The following CHID1 variants were observed in gnomAD, a reference collection of about 807,000 sequenced individuals.
CHID1 encodes chitinase domain-containing protein 1.
A neutral mutation model predicts 55.4 loss-of-function variants in CHID1; 44 were observed. The observed-to-expected ratio is 0.79, with a 90% CI of 0.62 to 1.02. The LOEUF is 1.02. Among genes scored for constraint, CHID1 ranks in the 50% least tolerant of loss-of-function variants. The pLI is 0.00. For synonymous variants in CHID1, 216 were observed against 212.9 expected, an observed-to-expected ratio of 1.01 and a Z score of -0.13; for missense variants, 491 against 515.3, an observed-to-expected ratio of 0.95 and a Z score of 0.46.
intron 10 of CHID1, among the ~76,000 whole-genome samples, chr11:873,763 C>G (rs551244609): frequency 6.6e-6 from 1 of 152,062 alleles, no homozygotes; most frequent in African/African-American, 2.4e-5. Context: ...TTTTGGGGAG[C>G]AGTAATGCGG....
chr11:912,417 G>T (rs988303140), upstream of CHID1, among the ~76,000 whole-genome samples: 1 of 152,236 alleles, frequency 6.6e-6, no homozygotes, highest in Admixed American at 6.5e-5. Context: ...AGGATAGGAA[G>T]CCCAGAGCCA....
Position 900,927 on chromosome 11 carries a change from C to G in CHID1, c.439+9G>C. On this transcript the variant is annotated intron_variant, in intron 5 of 12. Transcript: ENST00000323578. ...ATCAGGGCCTCCACTCCTGGCCTGCCGCACTTACCTATGTGCAGGCCCTTG... is the reference window on the plus strand; with the variant it reads ...ATCAGGGCCTCCACTCCTGGCCTGCGGCACTTACCTATGTGCAGGCCCTTG... 1.3e-6 allele frequency: 2 copies of G among 1,599,850 alleles called. No individual in the cohort carries two copies. Among genetic ancestry groups the G allele is most frequent in the Non-Finnish European group, 1.7e-6 (2 of 1,174,210 alleles).
intron 10 of CHID1, among the ~76,000 whole-genome samples, chr11:880,815 G>A (rs1011952307): frequency 3.9e-5 from 6 of 152,208 alleles, no homozygotes; most frequent in Non-Finnish European, 5.9e-5. Flanking sequence ...AAAGGACCAG[G>A]TTCTCCAGAA....
intron 1 of CHID1, 52 bp from the exon 2 acceptor site, chr11:904,911 T>C (rs28634117): frequency 0.49 from 773,611 of 1,585,978 alleles, 193,703 homozygotes; most frequent in Admixed American, 0.58. Context: ...ATGCAGCACA[T>C]GGGCAACCCC....
At chr11:901,336 C>A (rs1005858666) in intron 4 of CHID1, among the ~76,000 whole-genome samples, 2 of 152,196 alleles carry the variant, frequency 1.3e-5, no homozygotes, top group Non-Finnish European at 2.9e-5. Context: ...GATGGCCAGA[C>A]CCGCCAGGCC....
At chr11:871,820 C>T (rs926494603) in intron 10 of CHID1, among the ~76,000 whole-genome samples, 2 of 2,500 alleles carry the variant, frequency 8.0e-4, no homozygotes, top group Non-Finnish European at 0.022. Flanking sequence ...GAAATGGCCA[C>T]AGGACCGCAC....
At position 910,757 on chromosome 11, in the gene CHID1, G is replaced by C; in HGVS notation, c.-44+18C>G. On this transcript the variant is annotated intron_variant, in intron 1 of 12. Coordinates refer to ENST00000323578, the MANE Select transcript of CHID1 (RefSeq NM_023947.4). ...CGTGCAAGGAGGAGGAGCAGGGGCC[G>C]GCCGCCGCGGGGCTCACCTGCATGT... is the stretch of plus-strand genomic sequence containing the variant. The C allele has an allele frequency of 8.4e-7, 1 of 1,185,222 alleles. No individual in the cohort carries two copies. Among genetic ancestry groups the C allele is most frequent in the Non-Finnish European group, 1.1e-6 (1 of 942,506 alleles). The allele number at this position is 1,185,222 out of a possible 1,614,324, so 73.4% of individuals were successfully genotyped here.
chr11:910,267 C>T (rs1292520012), intron 1 of CHID1, among the ~76,000 whole-genome samples: 2 of 152,112 alleles, frequency 1.3e-5, no homozygotes, highest in African/African-American at 4.8e-5. Context: ...CCACCCTTCA[C>T]GGGGACCGCG....
chr11:891,348 C>T (rs1270134798), intron 8 of CHID1, among the ~76,000 whole-genome samples: 2 of 152,166 alleles, frequency 1.3e-5, no homozygotes, highest in Non-Finnish European at 2.9e-5. Flanking sequence ...GTAGCCCTGG[C>T]GTGCATCCCA....
upstream of CHID1, chr11:914,429 A>T: frequency 1.1e-6 from 1 of 897,344 alleles, no homozygotes; most frequent in Non-Finnish European, 1.6e-6. Flanking sequence ...GGGACAGAGT[A>T]GGGCAGGGGC....
At chr11:870,991 T>A (rs1337180284) in intron 10 of CHID1, among the ~76,000 whole-genome samples, 2 of 1,104 alleles carry the variant, frequency 1.8e-3, no homozygotes, top group East Asian at 0.019. Context: ...TTCTGCACCT[T>A]TTTTTTTTTT....
intron 8 of CHID1, among the ~76,000 whole-genome samples, chr11:889,674 C>G (rs558371622): frequency 9.9e-5 from 15 of 152,260 alleles, no homozygotes; most frequent in African/African-American, 3.4e-4. Flanking sequence ...ATAGTTGCCA[C>G]CTGCAGAGCC....
intron 8 of CHID1, among the ~76,000 whole-genome samples, chr11:889,784 C>G (rs1371988090): frequency 6.6e-6 from 1 of 152,206 alleles, no homozygotes; most frequent in Non-Finnish European, 1.5e-5. Context: ...ATACCTTTCC[C>G]CAACCCTAAC....
In CHID1 at chr11:868,550, G is replaced by A. The variant is rs1030970053; in HGVS notation, c.*1308C>T. 2.0e-5 allele frequency: 3 copies of A among 152,152 alleles called. No individual in the cohort carries two copies. Among genetic ancestry groups the A allele is most frequent in the African/African-American group, 7.2e-5 (3 of 41,406 alleles). The allele number at this position is 152,152 out of a possible 1,614,324, so 9.4% of individuals were successfully genotyped here. A position where few individuals can be genotyped will look rare whatever the true frequency, so the allele number is the denominator to read the frequency against. On this transcript the variant is annotated 3_prime_UTR_variant, in exon 13 of 13. Transcript: ENST00000323578. ...CTATGCCCGTGTCAAGCAGCAGCAG[G>A]GCGGTGGGAACGGCTGCACCTGCAC... is the stretch of plus-strand genomic sequence containing the variant.
chr11:885,926 G>C (rs534925842), intron 8 of CHID1, among the ~76,000 whole-genome samples: 25 of 152,138 alleles, frequency 1.6e-4, no homozygotes, highest in Non-Finnish European at 3.7e-4. Context: ...GCCGAGACGG[G>C]AGGATCACGA....
intron 8 of CHID1, among the ~76,000 whole-genome samples, chr11:892,967 C>G (rs1356786914): frequency 6.6e-6 from 1 of 152,220 alleles, no homozygotes. Flanking sequence ...GGGGTGCACC[C>G]AACCGCACAC....
At chr11:906,794 C>T (rs2134364860) in intron 1 of CHID1, among the ~76,000 whole-genome samples, 1 of 152,146 alleles carries the variant, frequency 6.6e-6, no homozygotes, top group South Asian at 2.1e-4. Context: ...GTCGGGAGGC[C>T]AAGGCAGGCA....
At chr11:898,258 A>C (rs1749992781) in intron 7 of CHID1, among the ~76,000 whole-genome samples, 1 of 152,208 alleles carries the variant, frequency 6.6e-6, no homozygotes, top group Non-Finnish European at 1.5e-5. Context: ...CCACAGCAGC[A>C]ATGGGATGAA....
rs1207541319 is a variant in CHID1, at chr11:902,951, C to T, written c.261+11G>A. The T allele has an allele frequency of 6.2e-7, 1 of 1,612,210 alleles. No homozygotes were observed. On this transcript the variant is annotated intron_variant, in intron 3 of 12. Coordinates refer to ENST00000323578, the MANE Select transcript of CHID1 (RefSeq NM_023947.4). ...AGGACCTCCCTCTGCACTGTGAGGG[C>T]CCCAACTTACTGGAGTGACATAGCC...
Sources: allele counts gnomAD v4.1 joint callset (sites outside exome capture counted in the v4.1 genomes callset), GRCh38; gene constraint gnomAD v4.1.1; transcripts MANE v1.5; gene names NCBI Gene and HGNC (gene_info 2026-07-23, HGNC 2026-07-21).